Variants in MEF2C observed in about 807,000 individuals in gnomAD.
MEF2C encodes myocyte-specific enhancer factor 2C.
Under a neutral mutation model 50.5 loss-of-function variants are expected in MEF2C, and 6 were observed. That is an observed-to-expected ratio of 0.12 (90% CI 0.07 to 0.23). MEF2C has a LOEUF of 0.23. MEF2C is among the 10% of genes least tolerant of loss of function. The pLI is 1.00. For synonymous variants in MEF2C, 183 were observed against 228.0 expected (o/e 0.80, Z 1.78); for missense variants, 276 against 605.0 (o/e 0.46, Z 5.70).
chr5:88,881,638 A>G (rs961670755), intron 1 of MEF2C, among the ~76,000 whole-genome samples: 1 of 151,926 alleles, frequency 6.6e-6, no homozygotes, highest in Non-Finnish European at 1.5e-5. Flanking sequence ...CCAAGTCTCT[A>G]GGGATTGGAG....
chr5:88,756,829 T>C (rs1224364058), intron 4 of MEF2C, among the ~76,000 whole-genome samples: 1 of 152,018 alleles, frequency 6.6e-6, no homozygotes, highest in Non-Finnish European at 1.5e-5. Context: ...AAAAAGTAGT[T>C]AAAAACACCA....
intron 3 of MEF2C, among the ~76,000 whole-genome samples, chr5:88,803,854 T>C (rs585950): frequency 0.21 from 31,967 of 152,086 alleles, 3,634 homozygotes; most frequent in Middle Eastern, 0.3. Context: ...CAAAACTGTA[T>C]GGTATGTTAC....
At chr5:88,780,738 ATTAT>A (rs1423615483) in intron 3 of MEF2C, 5 of 980,206 alleles carry the variant, frequency 5.1e-6, no homozygotes, top group Non-Finnish European at 6.1e-6. Context: ...AATGAAATCA[ATTAT>A]TTATTTTTGT....
At chr5:88,847,211 T>C (rs1160033116) in intron 1 of MEF2C, among the ~76,000 whole-genome samples, 1 of 152,192 alleles carries the variant, frequency 6.6e-6, no homozygotes, top group Non-Finnish European at 1.5e-5. Flanking sequence ...AGAGTAGCAG[T>C]CATATTTATG....
chr5:88,889,043 A>G (rs1293667432), intron 1 of MEF2C: 2 of 152,144 alleles, frequency 1.3e-5, no homozygotes. Context: ...ATTTTAAAAA[A>G]TCTTTACCCG....
chr5:88,777,899 C>CTT (rs57841792), intron 3 of MEF2C, among the ~76,000 whole-genome samples: 2,572 of 77,300 alleles, frequency 0.033, 470 homozygotes, highest in Non-Finnish European at 0.039. Flanking sequence ...TTTTTCTTTT[C>CTT]TTTTTTTTTT....
chr5:88,759,604 T>C (rs1776956706), intron 4 of MEF2C, among the ~76,000 whole-genome samples: 1 of 152,240 alleles, frequency 6.6e-6, no homozygotes. Flanking sequence ...ACATAACAAG[T>C]ATGCATGGCT....
At chr5:88,750,626 GT>G (rs1181414119) in intron 5 of MEF2C, among the ~76,000 whole-genome samples, 1 of 152,154 alleles carries the variant, frequency 6.6e-6, no homozygotes, top group Non-Finnish European at 1.5e-5. Flanking sequence ...CTGCATTCTA[GT>G]ATGATCTGAA....
intron 1 of MEF2C, chr5:88,825,518 AAG>A: frequency 1.0e-6 from 1 of 984,116 alleles, no homozygotes; most frequent in South Asian, 4.7e-5. Flanking sequence ...CAAAATTCTA[AAG>A]AGTTATAGAA....
At chr5:88,848,511 A>G (rs1820114771) in intron 1 of MEF2C, among the ~76,000 whole-genome samples, 2 of 152,188 alleles carry the variant, frequency 1.3e-5, no homozygotes, top group Non-Finnish European at 2.9e-5. Context: ...TTTAATTCTT[A>G]TAATTATTCT....
chr5:88,804,809 A>C lies in MEF2C; in HGVS notation c.55-8T>G. ...CCTCTTTGTAAATGTCACCTAGAAA[A>C]AAGAAAGCAGCCAAGATTTTTTAAA... is the stretch of plus-strand genomic sequence containing the variant. On this transcript the variant is annotated splice_polypyrimidine_tract_variant and splice_region_variant and intron_variant, in intron 2 of 10. Coordinates refer to ENST00000504921, the MANE Select transcript of MEF2C (RefSeq NM_002397.5). 5 of 1,611,142 alleles carry C rather than the reference A, an allele frequency of 3.1e-6. No homozygotes were observed. Among genetic ancestry groups the C allele is most frequent in the Non-Finnish European group, 4.2e-6 (5 of 1,177,938 alleles).
At chr5:88,777,305 C>T (rs1357503390) in intron 3 of MEF2C, among the ~76,000 whole-genome samples, 3 of 152,094 alleles carry the variant, frequency 2.0e-5, no homozygotes, top group African/African-American at 7.2e-5. Flanking sequence ...TAACACCTAC[C>T]ATTTACCAAG....
intron 3 of MEF2C, among the ~76,000 whole-genome samples, chr5:88,777,724 C>T (rs960592970): frequency 6.6e-6 from 1 of 151,938 alleles, no homozygotes; most frequent in African/African-American, 2.4e-5. Flanking sequence ...GTTTTTCCTA[C>T]TATTTTGCTA....
chr5:88,798,375 A>C (rs1796889602), intron 3 of MEF2C, among the ~76,000 whole-genome samples: 1 of 151,350 alleles, frequency 6.6e-6, no homozygotes, highest in Non-Finnish European at 1.5e-5. Context: ...TTCATGCTTT[A>C]TTTCATTAAA....
chr5:88,768,740 TGC>T, intron 3 of MEF2C: 1 of 971,212 alleles, frequency 1.0e-6, no homozygotes, highest in South Asian at 4.8e-5. Context: ...ATTTTGCAAC[TGC>T]AATCTCTTTT....
chr5:88,742,280 C>T, intron 6 of MEF2C: 1 of 985,260 alleles, frequency 1.0e-6, no homozygotes, highest in Non-Finnish European at 1.2e-6. Flanking sequence ...AAAATCTTAT[C>T]ATGATGCCAA....
intron 1 of MEF2C, among the ~76,000 whole-genome samples, chr5:88,882,181 C>G (rs1012686141): frequency 2.3e-4 from 35 of 152,304 alleles, no homozygotes; most frequent in Admixed American, 1.3e-3. Context: ...ATATATACTT[C>G]CTTTGTGACA....
chr5:88,894,749 T>G (rs184616538), intron 1 of MEF2C, among the ~76,000 whole-genome samples: 44 of 152,348 alleles, frequency 2.9e-4, no homozygotes, highest in Non-Finnish European at 2.5e-4. Context: ...GGAGACAGTT[T>G]TGACAAGTAA....
chr5:88,899,691 A>G (rs1483354745), intron 1 of MEF2C, among the ~76,000 whole-genome samples: 1 of 152,140 alleles, frequency 6.6e-6, no homozygotes, highest in Non-Finnish European at 1.5e-5. Flanking sequence ...CAGGGCAATG[A>G]TTAAACTTGC....
Sources: allele counts gnomAD v4.1 joint callset (sites outside exome capture counted in the v4.1 genomes callset), GRCh38; gene constraint gnomAD v4.1.1; transcripts MANE v1.5; gene names NCBI Gene and HGNC (gene_info 2026-07-23, HGNC 2026-07-21).